The following ADGRV1 variants were observed in gnomAD, a reference collection of about 807,000 sequenced individuals.
ADGRV1 encodes adhesion G protein-coupled receptor V1.
Under a neutral mutation model 596.2 loss-of-function variants are expected in ADGRV1, and 359 were observed. That is an observed-to-expected ratio of 0.60 (90% CI 0.55 to 0.66). The LOEUF is 0.66. Among genes scored for constraint, ADGRV1 ranks in the 30% least tolerant of loss-of-function variants. The pLI is 0.00. For missense variants in ADGRV1, 7,274 were observed against 7,575.6 expected (o/e 0.96, Z 1.48); for synonymous variants, 2,681 against 2,679.2 (o/e 1.00, Z -0.02).
At chr5:91,054,094 TGTGTGTGTGAGA>T (rs1477461052) in intron 85 of ADGRV1, among the ~76,000 whole-genome samples, 8 of 128,732 alleles carry the variant, frequency 6.2e-5, no homozygotes, top group Middle Eastern at 3.6e-3. Flanking sequence ...TGTGTGTGTG[TGTGTGTGTGAGA>T]GAGAGAGAGA....
intron 51 of ADGRV1, 126 bp from the exon 52 acceptor site, chr5:90,745,465 A>G: frequency 1.3e-6 from 1 of 776,476 alleles, no homozygotes; most frequent in South Asian, 2.1e-5. Flanking sequence ...TTGGATTAAA[A>G]TTTTCGTTAT....
chr5:91,143,573 G>T (rs1002498792), intron 87 of ADGRV1, among the ~76,000 whole-genome samples: 6 of 152,198 alleles, frequency 3.9e-5, no homozygotes, highest in African/African-American at 1.2e-4. Context: ...CCCATCAAGT[G>T]CTCAAGGCTG....
Position 90,750,556 on chromosome 5 carries a change from A to G in ADGRV1, c.10980A>G (p.Ser3660=). The G allele has an allele frequency of 1.3e-6, 2 of 1,599,640 alleles. No homozygotes were observed. Among genetic ancestry groups the G allele is most frequent in the South Asian group, 1.1e-5 (1 of 88,218 alleles). ...AYGIVAFAQN[S]LYKQVEEMEQ... is the part of the protein sequence containing the mutation. ...CTTTCTGTGTATTTTTTCAGAATTCATTATATAAGCAAGTGGAAGAAATGG... is the reference window on the plus strand; with the variant it reads ...CTTTCTGTGTATTTTTTCAGAATTCGTTATATAAGCAAGTGGAAGAAATGG... The change falls in exon 53 of 90, where the codon TCA becomes TCG. Residue 3660 remains serine, a synonymous_variant. Coordinates refer to ENST00000405460, the MANE Select transcript of ADGRV1 (RefSeq NM_032119.4).
intron 17 of ADGRV1, among the ~76,000 whole-genome samples, chr5:90,651,337 CTA>C (rs1491174724): frequency 1.3e-5 from 2 of 151,916 alleles, no homozygotes; most frequent in African/African-American, 4.8e-5. Context: ...TCATTTGTAA[CTA>C]AAAAAAATGG....
chr5:91,027,191 T>G (rs1035179954), intron 85 of ADGRV1, among the ~76,000 whole-genome samples: 2 of 71,532 alleles, frequency 2.8e-5, no homozygotes, highest in Non-Finnish European at 6.9e-5. Context: ...ACACACACAC[T>G]GTCTAACTAG....
At chr5:90,966,065 A>T (rs970726045) in intron 84 of ADGRV1, among the ~76,000 whole-genome samples, 32 of 152,118 alleles carry the variant, frequency 2.1e-4, no homozygotes, top group African/African-American at 6.8e-4. Context: ...GGATGTGAAG[A>T]CTTGTTGTGG....
chr5:90,796,847 C>T (rs901627083), intron 70 of ADGRV1, among the ~76,000 whole-genome samples: 2 of 152,132 alleles, frequency 1.3e-5, no homozygotes, highest in Non-Finnish European at 2.9e-5. Context: ...AATTTTCAAC[C>T]CAGAATTTCA....
At chr5:90,584,534 T>C (rs1362390375) in intron 1 of ADGRV1, among the ~76,000 whole-genome samples, 2 of 152,206 alleles carry the variant, frequency 1.3e-5, no homozygotes, top group Non-Finnish European at 1.5e-5. Context: ...GTCTCTGCTG[T>C]ATACAGGGTT....
intron 62 of ADGRV1, 81 bp from the exon 63 acceptor site, chr5:90,778,346 C>G: frequency 8.3e-7 from 1 of 1,198,594 alleles, no homozygotes; most frequent in Non-Finnish European, 1.2e-6. Context: ...ATTACAAAAT[C>G]TGTTGTTATT....
At chr5:90,951,900 A>G (rs1159370849) in intron 83 of ADGRV1, among the ~76,000 whole-genome samples, 4 of 152,188 alleles carry the variant, frequency 2.6e-5, no homozygotes, top group African/African-American at 9.6e-5. Context: ...ATTATACTGT[A>G]TATAAAGCTA....
In ADGRV1 at chr5:91,071,052, C is replaced by T. The variant is rs541798732; in HGVS notation, c.18153-1395C>T. ...ATTAGCTCCCTAATGGTGATATGAT[C>T]CCTCATCCTTTATTTCCTCTGTTAG... On this transcript the variant is annotated intron_variant, in intron 85 of 89. Coordinates refer to ENST00000405460, the MANE Select transcript of ADGRV1 (RefSeq NM_032119.4). Among the ~76,000 whole-genome samples the T allele has an allele frequency of 1.8e-4, 28 of 152,246 alleles. No homozygotes were observed. The South Asian group carries it at 4.1e-3, about 23-fold the overall frequency.
chr5:91,154,909 C>T lies in ADGRV1; in HGVS notation c.18802+1511C>T, dbSNP rs191873036. Among the ~76,000 whole-genome samples, 27 of 152,156 alleles carry T rather than the reference C, an allele frequency of 1.8e-4. No individual in the cohort carries two copies. In the East Asian group the frequency reaches 4.1e-3, roughly 23 times the overall value. On this transcript the variant is annotated intron_variant, in intron 89 of 89. Transcript: ENST00000405460. ...CCTCCACGTGGTCCTGCCCACCACA[C>T]GTGGAGAATGTGGGGCTAGAATTAC...
At chr5:90,664,949 C>A (rs1740697612) in intron 21 of ADGRV1, among the ~76,000 whole-genome samples, 1 of 152,134 alleles carries the variant, frequency 6.6e-6, no homozygotes, top group African/African-American at 2.4e-5. Flanking sequence ...CAGCTTGCAT[C>A]CCAGGGATGA....
chr5:90,893,005 A>T, intron 83 of ADGRV1, among the ~76,000 whole-genome samples: 1 of 152,186 alleles, frequency 6.6e-6, no homozygotes, highest in East Asian at 1.9e-4. Flanking sequence ...AATTATACCA[A>T]AACTTGGCAG....
chr5:90,714,872 G>GT (rs771832884), intron 42 of ADGRV1, among the ~76,000 whole-genome samples: 2 of 152,032 alleles, frequency 1.3e-5, no homozygotes, highest in East Asian at 1.9e-4. Flanking sequence ...CATTTTGCTA[G>GT]TTTTTCAGGC....
At chr5:91,113,785 G>A (rs116104219) in intron 87 of ADGRV1, among the ~76,000 whole-genome samples, 2,216 of 152,158 alleles carry the variant, frequency 0.015, 66 homozygotes, top group African/African-American at 0.051. Context: ...TAGGCATGCT[G>A]GCATGTGCCT....
intron 21 of ADGRV1, among the ~76,000 whole-genome samples, chr5:90,658,871 T>C (rs778339417): frequency 2.0e-5 from 3 of 152,226 alleles, no homozygotes; most frequent in African/African-American, 4.8e-5. Flanking sequence ...ATGTGAGAAC[T>C]CATGAAACTA....
chr5:90,671,084 C>A (rs554805343), intron 21 of ADGRV1, among the ~76,000 whole-genome samples: 149 of 152,286 alleles, frequency 9.8e-4, no homozygotes, highest in African/African-American at 3.5e-3. Flanking sequence ...GTTGAAGACC[C>A]AGGCACAGTG....
chr5:90,893,255 G>A (rs1301737377), intron 83 of ADGRV1, among the ~76,000 whole-genome samples: 6 of 152,086 alleles, frequency 3.9e-5, no homozygotes, highest in African/African-American at 1.4e-4. Context: ...CACCTTTTGG[G>A]CTTTTTATAA....
Sources: gnomAD v4.1 joint callset for allele counts (sites outside exome capture counted in the v4.1 genomes callset) on GRCh38, gnomAD v4.1.1 for gene constraint, MANE v1.5 for transcripts, NCBI Gene and HGNC (gene_info 2026-07-23, HGNC 2026-07-21) for gene names.